The following COBLL1 variants were observed in gnomAD, a reference collection of about 807,000 sequenced individuals.
The protein encoded by COBLL1 is cordon-bleu WH2 repeat protein like 1.
COBLL1 carries 50 observed loss-of-function variants against 94.8 expected under a neutral mutation model. That is an observed-to-expected ratio of 0.53 (90% CI 0.42 to 0.67). The LOEUF is 0.67. Among genes scored for constraint, COBLL1 ranks in the 30% least tolerant of loss-of-function variants. The probability of loss-of-function intolerance (pLI) is 0.00; values close to 1 mark genes in which losing one functional copy is unlikely to be tolerated. For synonymous variants in COBLL1, 448 were observed against 473.8 expected (o/e 0.95, Z 0.71); for missense variants, 1,362 against 1,348.7 (o/e 1.01, Z -0.15).
chr2:164,703,758 T>C (rs956513652), intron 9 of COBLL1: 2 of 280,886 alleles, frequency 7.1e-6, no homozygotes, highest in Non-Finnish European at 1.5e-5. Flanking sequence ...GATAAAGTCC[T>C]AGCATAATCA....
rs1187208030 is a variant in COBLL1, at chr2:164,695,510, C to G, written c.1882G>C (p.Glu628Gln). The stretch of plus-strand genomic sequence containing the variant: ...TTATTTGAAGTTTGCACACATTCTT[C>G]AACTTTGGAGTCAGATAAATTATGA... ...QDHNLSDSKVEECVQTSNNNI... is the reference protein window; with the variant it reads ...QDHNLSDSKVQECVQTSNNNI... The change falls in exon 12 of 14, where the codon GAA (glutamate) becomes CAA (glutamine). Residue 628 changes from glutamate (E) to glutamine (Q), a missense_variant. Physicochemically the swap from Glu to Gln is conservative, Grantham distance 29. Coordinates refer to ENST00000652658, the MANE Select transcript of COBLL1 (RefSeq NM_001365672.2). 6.2e-7 allele frequency: 1 copy of G among 1,613,892 alleles called. No homozygotes were observed. Among genetic ancestry groups the G allele is most frequent in the Non-Finnish European group, 8.5e-7 (1 of 1,179,902 alleles).
chr2:164,686,399 T>C (rs1284405491), intron 13 of COBLL1, among the ~76,000 whole-genome samples: 1 of 152,142 alleles, frequency 6.6e-6, no homozygotes, highest in African/African-American at 2.4e-5. Flanking sequence ...TGTAGAAAGA[T>C]AAAGTGAATT....
intron 2 of COBLL1, among the ~76,000 whole-genome samples, chr2:164,773,502 GTACTT>G (rs1262154624): frequency 6.6e-6 from 1 of 151,954 alleles, no homozygotes; most frequent in East Asian, 1.9e-4. Context: ...AAAAAATTCT[GTACTT>G]TACTCTCCAA....
intron 2 of COBLL1, among the ~76,000 whole-genome samples, chr2:164,752,369 C>T (rs1687168946): frequency 1.3e-5 from 2 of 152,090 alleles, no homozygotes; most frequent in African/African-American, 4.8e-5. Flanking sequence ...GAAGTTGGTG[C>T]TCTTTACTAC....
At chr2:164,832,911 C>G (rs1252853394) in intron 2 of COBLL1, among the ~76,000 whole-genome samples, 1 of 152,018 alleles carries the variant, frequency 6.6e-6, no homozygotes, top group African/African-American at 2.4e-5. Context: ...GGTATGGTGG[C>G]GCATGCCTGT....
intron 2 of COBLL1, among the ~76,000 whole-genome samples, chr2:164,774,600 C>T (rs1688371412): frequency 2.0e-5 from 3 of 152,122 alleles, no homozygotes; most frequent in East Asian, 1.9e-4. Flanking sequence ...TCCATGTGTG[C>T]AATACTGATT....
intron 2 of COBLL1, among the ~76,000 whole-genome samples, chr2:164,801,525 G>A (rs994388438): frequency 1.1e-4 from 16 of 150,480 alleles, no homozygotes; most frequent in Non-Finnish European, 1.9e-4. Flanking sequence ...GGGAGGCTGA[G>A]GTGGATTGCT....
At chr2:164,771,546 T>C (rs769176995) in intron 2 of COBLL1, among the ~76,000 whole-genome samples, 4 of 152,042 alleles carry the variant, frequency 2.6e-5, no homozygotes, top group African/African-American at 4.8e-5. Context: ...GAATTATAAA[T>C]GGGCTTGTCC....
At chr2:164,808,307 T>A (rs1166807703) in intron 2 of COBLL1, among the ~76,000 whole-genome samples, 2 of 152,200 alleles carry the variant, frequency 1.3e-5, no homozygotes, top group Non-Finnish European at 2.9e-5. Context: ...TTTAATACTA[T>A]GTTTTTGCTG....
chr2:164,710,943 T>C (rs533872866), intron 7 of COBLL1, among the ~76,000 whole-genome samples: 1 of 152,314 alleles, frequency 6.6e-6, no homozygotes, highest in East Asian at 1.9e-4. Context: ...GTTCTGCTCT[T>C]GCATTCATCA....
chr2:164,831,639 G>A (rs1359061098), intron 2 of COBLL1, among the ~76,000 whole-genome samples: 1 of 151,962 alleles, frequency 6.6e-6, no homozygotes, highest in African/African-American at 2.4e-5. Flanking sequence ...CTCCCACAGT[G>A]TAGCAGGACA....
intron 2 of COBLL1, among the ~76,000 whole-genome samples, chr2:164,803,325 G>A (rs1683907616): frequency 6.6e-6 from 1 of 152,076 alleles, no homozygotes; most frequent in Non-Finnish European, 1.5e-5. Flanking sequence ...CAGCACTTTG[G>A]GAGGCCGAGG....
At chr2:164,783,271 G>A (rs1214906218) in intron 2 of COBLL1, among the ~76,000 whole-genome samples, 1 of 152,104 alleles carries the variant, frequency 6.6e-6, no homozygotes, top group Non-Finnish European at 1.5e-5. Context: ...AAATTAACCA[G>A]GTGTGGTGAC....
intron 2 of COBLL1, among the ~76,000 whole-genome samples, chr2:164,818,119 C>T (rs562989964): frequency 6.6e-6 from 1 of 150,662 alleles, no homozygotes; most frequent in East Asian, 2.0e-4. Context: ...TACACGTGTG[C>T]ATGTACATAT....
chr2:164,759,869 C>T (rs1274276198), intron 2 of COBLL1, among the ~76,000 whole-genome samples: 2 of 152,094 alleles, frequency 1.3e-5, no homozygotes, highest in African/African-American at 4.8e-5. Context: ...CACTACACAC[C>T]TAAATTTTAA....
intron 2 of COBLL1, among the ~76,000 whole-genome samples, chr2:164,839,260 T>C (rs1035608656): frequency 4.6e-5 from 7 of 152,220 alleles, no homozygotes; most frequent in Non-Finnish European, 8.8e-5. Flanking sequence ...TCTTTTGTAC[T>C]TTCTTTTTAA....
At chr2:164,740,953 G>A (rs1171836851) in intron 3 of COBLL1, among the ~76,000 whole-genome samples, 1 of 152,114 alleles carries the variant, frequency 6.6e-6, no homozygotes, top group Non-Finnish European at 1.5e-5. Context: ...AACAAAGGAA[G>A]AGCAAGAGGC....
intron 3 of COBLL1, among the ~76,000 whole-genome samples, chr2:164,734,868 G>A (rs964662888): frequency 6.6e-6 from 1 of 152,146 alleles, no homozygotes; most frequent in African/African-American, 2.4e-5. Flanking sequence ...CTTGGGAGGT[G>A]TCAAATAAAG....
chr2:164,699,413 T>C lies in COBLL1; in HGVS notation c.1547A>G (p.Gln516Arg). Residue 516 changes from glutamine to arginine, a missense_variant, in exon 11 of 14, where the codon CAA (glutamine) becomes CGA (arginine). Coordinates refer to ENST00000652658, the MANE Select transcript of COBLL1 (RefSeq NM_001365672.2). ...IRNLKSLGPNQENVVQNEIIV... is the reference protein window; with the variant it reads ...IRNLKSLGPNRENVVQNEIIV... The stretch of plus-strand genomic sequence containing the variant: ...TAATTTATATAACTCACCATTCTCT[T>C]GGTTTGGGCCCAACGACTTCAAGTT... 6.2e-7 allele frequency: 1 copy of C among 1,603,654 alleles called. No individual in the cohort carries two copies. The highest frequency in any genetic ancestry group is 8.5e-7 in the Non-Finnish European group (1 of 1,170,642).
Sources: gnomAD v4.1 joint callset for allele counts (sites outside exome capture counted in the v4.1 genomes callset) on GRCh38, gnomAD v4.1.1 for gene constraint, MANE v1.5 for transcripts, NCBI Gene and HGNC (gene_info 2026-07-23, HGNC 2026-07-21) for gene names.